The following ARHGAP24 variants were observed in gnomAD, a reference collection of about 807,000 sequenced individuals.
ARHGAP24 encodes Rho GTPase activating protein 24, also known as rho GTPase-activating protein 24.
In ARHGAP24, 50 loss-of-function variants were observed where a neutral mutation model predicts 76.4. The observed-to-expected ratio is 0.65, with a 90% CI of 0.52 to 0.83. ARHGAP24 has a LOEUF of 0.83. Ranked by LOEUF, ARHGAP24 falls within the 40% of genes least tolerant of loss-of-function variation. The pLI is 0.00. For missense variants in ARHGAP24, 930 were observed against 914.2 expected (o/e 1.02, Z -0.22); for synonymous variants, 345 against 323.3 (o/e 1.07, Z -0.72).
chr4:85,685,298 C>T (rs1216632584), intron 2 of ARHGAP24, among the ~76,000 whole-genome samples: 1 of 152,148 alleles, frequency 6.6e-6, no homozygotes, highest in Non-Finnish European at 1.5e-5. Flanking sequence ...TTCCTCTGGC[C>T]TCTAATTTCC....
intron 1 of ARHGAP24, among the ~76,000 whole-genome samples, chr4:85,557,288 G>A (rs1272848943): frequency 1.3e-5 from 2 of 152,182 alleles, no homozygotes; most frequent in Non-Finnish European, 2.9e-5. Flanking sequence ...GGCATGTGAG[G>A]GAGGCTGACC....
chr4:85,717,670 A>G (rs538087187), intron 2 of ARHGAP24, among the ~76,000 whole-genome samples: 1 of 152,254 alleles, frequency 6.6e-6, no homozygotes, highest in South Asian at 2.1e-4. Flanking sequence ...GCCCTTGGCC[A>G]CTAAATCTTA....
rs1026616449 is a variant in ARHGAP24 at position 85,823,074 on chromosome 4, G to A, written c.269-100574G>A. ...AAAATGATCTCTTTATTATGAACTA[G>A]AGTTACTATTTTCTGCTCTTTCTTT... On this transcript the variant is annotated intron_variant, in intron 3 of 9. Coordinates refer to ENST00000395184, the MANE Select transcript of ARHGAP24 (RefSeq NM_001025616.3). Among the ~76,000 whole-genome samples the A allele has an allele frequency of 4.6e-5, 7 of 152,234 alleles. No homozygotes were observed. In the East Asian group the frequency reaches 1.2e-3, roughly 25 times the overall value.
chr4:85,742,315 A>G (rs924579435), intron 3 of ARHGAP24, among the ~76,000 whole-genome samples: 3 of 152,172 alleles, frequency 2.0e-5, no homozygotes, highest in African/African-American at 7.2e-5. Context: ...AGCGGGAGAA[A>G]ATGAGGGAGG....
chr4:85,596,516 G>C (rs1251477646), intron 2 of ARHGAP24, among the ~76,000 whole-genome samples: 1 of 152,024 alleles, frequency 6.6e-6, no homozygotes, highest in Non-Finnish European at 1.5e-5. Context: ...GCCTTCTCAG[G>C]GGTTCAAGGA....
chr4:85,585,932 C>T (rs76579364), intron 2 of ARHGAP24, among the ~76,000 whole-genome samples: 2 of 152,230 alleles, frequency 1.3e-5, no homozygotes, highest in East Asian at 3.9e-4. Flanking sequence ...ATACTTGGTC[C>T]AGATCTCTCA....
intron 2 of ARHGAP24, among the ~76,000 whole-genome samples, chr4:85,580,153 GGAGAGAGA>G (rs140863021): frequency 6.7e-6 from 1 of 148,162 alleles, no homozygotes; most frequent in Non-Finnish European, 1.5e-5. Context: ...GGAGGGTGAT[GGAGAGAGA>G]GAGAGAGAGA....
chr4:85,666,753 A>T (rs938620334), intron 2 of ARHGAP24, among the ~76,000 whole-genome samples: 2 of 152,184 alleles, frequency 1.3e-5, no homozygotes, highest in Admixed American at 6.5e-5. Flanking sequence ...AGTTTGCTAG[A>T]GGTCCACTCC....
chr4:85,685,756 T>A (rs1438392354), intron 2 of ARHGAP24, among the ~76,000 whole-genome samples: 1 of 152,242 alleles, frequency 6.6e-6, no homozygotes. Flanking sequence ...GGTACTGCTT[T>A]ATGTTTCTGT....
At chr4:85,555,972 G>A (rs1347899590) in intron 1 of ARHGAP24, among the ~76,000 whole-genome samples, 1 of 152,190 alleles carries the variant, frequency 6.6e-6, no homozygotes, top group Non-Finnish European at 1.5e-5. Context: ...CCAGTCTGAG[G>A]GCAGCAAGGA....
intron 3 of ARHGAP24, among the ~76,000 whole-genome samples, chr4:85,801,589 A>G (rs1728579251): frequency 6.6e-6 from 1 of 152,254 alleles, no homozygotes; most frequent in South Asian, 2.1e-4. Context: ...TAAGTAAAAT[A>G]GGAGTAACTG....
At chr4:85,966,262 C>G (rs796107375) in intron 5 of ARHGAP24, among the ~76,000 whole-genome samples, 8 of 152,258 alleles carry the variant, frequency 5.3e-5, no homozygotes, top group African/African-American at 1.9e-4. Context: ...AGTACCATTA[C>G]ATTAGGAGTT....
At chr4:85,943,972 C>T (rs1466513655) in intron 5 of ARHGAP24, among the ~76,000 whole-genome samples, 2 of 152,024 alleles carry the variant, frequency 1.3e-5, no homozygotes, top group African/African-American at 2.4e-5. Flanking sequence ...TGGGTATATA[C>T]CCAGTAATGG....
chr4:85,912,387 T>C lies in ARHGAP24; in HGVS notation c.269-11261T>C, dbSNP rs566950352. Among the ~76,000 whole-genome samples the C allele has an allele frequency of 5.0e-4, 76 of 152,168 alleles. No individual in the cohort carries two copies. The Middle Eastern group carries it at 0.01, about 20-fold the overall frequency. ...AAATCCAGAAAATTCAGACATAAAC[T>C]GTGGGAGAAAAAGCACAATGGACGG... On this transcript the variant is annotated intron_variant, in intron 3 of 9. Transcript: ENST00000395184.
chr4:85,657,872 A>G (rs1722231365), intron 2 of ARHGAP24, among the ~76,000 whole-genome samples: 1 of 152,134 alleles, frequency 6.6e-6, no homozygotes. Context: ...CTTTCACCTC[A>G]GCCTCCCGAA....
intron 2 of ARHGAP24, among the ~76,000 whole-genome samples, chr4:85,617,190 A>T (rs1720569868): frequency 6.8e-6 from 1 of 148,118 alleles, no homozygotes; most frequent in Admixed American, 6.8e-5. Context: ...TAATTCATAA[A>T]TATGTATATG....
At chr4:85,564,460 GC>G (rs199783652) in intron 1 of ARHGAP24, among the ~76,000 whole-genome samples, 2,905 of 78,324 alleles carry the variant, frequency 0.037, 107 homozygotes, top group African/African-American at 0.094. Flanking sequence ...GTTAATGGGT[GC>G]AGCACACCAA....
intron 2 of ARHGAP24, among the ~76,000 whole-genome samples, chr4:85,581,351 CCTGAATTTCTA>C (rs1458951622): frequency 1.3e-5 from 2 of 152,048 alleles, no homozygotes; most frequent in Non-Finnish European, 1.5e-5. Context: ...TCTTTGTGAA[CCTGAATTTCTA>C]CTTAAACATG....
intron 3 of ARHGAP24, among the ~76,000 whole-genome samples, chr4:85,895,605 GT>G (rs1734134207): frequency 6.6e-6 from 1 of 152,066 alleles, no homozygotes; most frequent in South Asian, 2.1e-4. Context: ...CATTAATAAT[GT>G]TTTAAGGCAA....
Sources: allele counts gnomAD v4.1 joint callset (sites outside exome capture counted in the v4.1 genomes callset), GRCh38; gene constraint gnomAD v4.1.1; transcripts MANE v1.5; gene names NCBI Gene and HGNC (gene_info 2026-07-23, HGNC 2026-07-21).